TMEM65: variants seen among roughly 807,000 people sequenced by gnomAD.
The protein encoded by TMEM65 is transmembrane protein 65.
A neutral mutation model predicts 25.4 loss-of-function variants in TMEM65; 22 were observed. The observed-to-expected ratio is 0.86, with a 90% CI of 0.62 to 1.23. TMEM65 has a LOEUF of 1.23. Among genes scored for constraint, TMEM65 ranks in the 50% most tolerant of loss-of-function variants. The probability of loss-of-function intolerance (pLI) is 0.00; values close to 1 mark genes in which losing one functional copy is unlikely to be tolerated. For synonymous variants in TMEM65, 132 were observed against 126.2 expected (o/e 1.05, Z -0.31); for missense variants, 262 against 308.2 (o/e 0.85, Z 1.12).
At chr8:124,327,553 C>A in intron 2 of TMEM65, 132 bp from the exon 3 acceptor site, 1 of 569,978 alleles carries the variant, frequency 1.8e-6, no homozygotes, top group Non-Finnish European at 3.0e-6. Context: ...TTTTCCAGAG[C>A]CAATAGATGC....
Position 124,307,661 on chromosome 8 carries a change from G to T in TMEM65, c.*6299C>A, listed in dbSNP as rs1452547307. ...AATTTAAAGCAAAAGGAAGGTGAAG[G>T]ATCTAAATCTAGAGAATTTAATGCC... On this transcript the variant is annotated 3_prime_UTR_variant, in exon 7 of 7. Transcript: ENST00000297632. The T allele has an allele frequency of 6.6e-6, 1 of 152,118 alleles. No homozygotes were observed. Among genetic ancestry groups the T allele is most frequent in the South Asian group, 2.1e-4 (1 of 4,814 alleles). 9.4% of individuals were successfully genotyped at this position (152,118 alleles called of 1,614,324 possible). A position where few individuals can be genotyped will look rare whatever the true frequency, so the allele number is the denominator to read the frequency against.
chr8:124,334,503 C>T (rs1267959069), intron 1 of TMEM65, among the ~76,000 whole-genome samples: 1 of 152,040 alleles, frequency 6.6e-6, no homozygotes, highest in Non-Finnish European at 1.5e-5. Flanking sequence ...CGGTGGCTCA[C>T]ACCTGTAATC....
At chr8:124,332,320 T>C (rs570665740) in intron 1 of TMEM65, among the ~76,000 whole-genome samples, 1 of 152,300 alleles carries the variant, frequency 6.6e-6, no homozygotes, top group South Asian at 2.1e-4. Flanking sequence ...TCTGACACTG[T>C]GAGAAGTCCT....
chr8:124,359,876 T>TA, intron 1 of TMEM65, among the ~76,000 whole-genome samples: 2 of 152,314 alleles, frequency 1.3e-5, no homozygotes, highest in Middle Eastern at 3.4e-3. Context: ...CTATCCTAGA[T>TA]AAAGTGTTTA....
intron 1 of TMEM65, among the ~76,000 whole-genome samples, chr8:124,359,648 A>C (rs1312604229): frequency 6.6e-6 from 1 of 152,114 alleles, no homozygotes; most frequent in African/African-American, 2.4e-5. Context: ...AGGCTGAAGC[A>C]CAAGGGAGGC....
intron 4 of TMEM65, among the ~76,000 whole-genome samples, chr8:124,322,760 G>A (rs1038569734): frequency 6.6e-6 from 1 of 152,082 alleles, no homozygotes; most frequent in South Asian, 2.1e-4. Context: ...CACTTTGGGA[G>A]GCCGAGGCGG....
chr8:124,340,365 T>C (rs1016266501), intron 1 of TMEM65, among the ~76,000 whole-genome samples: 1 of 152,144 alleles, frequency 6.6e-6, no homozygotes, highest in African/African-American at 2.4e-5. Flanking sequence ...AAGAATGCTA[T>C]CTATTTGACT....
rs919160886 is a variant in TMEM65, at chr8:124,309,947, G to T, written c.*4013C>A. The T allele has an allele frequency of 1.3e-5, 2 of 152,078 alleles. No homozygotes were observed. Among genetic ancestry groups the T allele is most frequent in the Non-Finnish European group, 2.9e-5 (2 of 68,038 alleles). 9.4% of individuals were successfully genotyped at this position (152,078 alleles called of 1,614,324 possible). ...GCCTGTAATCCCAGCTACTCAGGAG[G>T]TCAGGAGTCTGAGGCCAGCCTGGCC... On this transcript the variant is annotated 3_prime_UTR_variant, in exon 7 of 7. Coordinates refer to ENST00000297632, the MANE Select transcript of TMEM65 (RefSeq NM_194291.3).
intron 1 of TMEM65, among the ~76,000 whole-genome samples, chr8:124,357,756 A>G (rs748125239): frequency 4.0e-5 from 6 of 151,554 alleles, no homozygotes; most frequent in Non-Finnish European, 7.4e-5. Flanking sequence ...AGAGAGGGGC[A>G]GTAAGTAGTA....
At chr8:124,366,021 G>A (rs190053090) in intron 1 of TMEM65, among the ~76,000 whole-genome samples, 23 of 152,278 alleles carry the variant, frequency 1.5e-4, no homozygotes, top group African/African-American at 5.3e-4. Context: ...AGGAGTTCCA[G>A]ACCAGCCTGG....
At chr8:124,371,340 C>G (rs553179027) in intron 1 of TMEM65, among the ~76,000 whole-genome samples, 6 of 152,186 alleles carry the variant, frequency 3.9e-5, no homozygotes, top group Non-Finnish European at 8.8e-5. Flanking sequence ...CCCTGACTTT[C>G]GAAGCTACAC....
chr8:124,321,796 C>G (rs1431904731), intron 5 of TMEM65, among the ~76,000 whole-genome samples: 1 of 152,110 alleles, frequency 6.6e-6, no homozygotes. Flanking sequence ...ATTTTGCTTA[C>G]ATTATGGTAA....
chr8:124,357,827 A>ATT (rs1814804461), intron 1 of TMEM65, among the ~76,000 whole-genome samples: 3 of 75,256 alleles, frequency 4.0e-5, no homozygotes, highest in South Asian at 5.5e-4. Context: ...TTACTTTTTT[A>ATT]TCTTTTTTTT....
At chr8:124,325,414 A>G (rs1248326658) in intron 3 of TMEM65, among the ~76,000 whole-genome samples, 1 of 151,976 alleles carries the variant, frequency 6.6e-6, no homozygotes, top group Non-Finnish European at 1.5e-5. Context: ...TCACTGGAAA[A>G]TTTTATTGTC....
intron 1 of TMEM65, among the ~76,000 whole-genome samples, chr8:124,359,741 C>CA (rs1323965215): frequency 8.3e-4 from 110 of 132,484 alleles, no homozygotes; most frequent in African/African-American, 1.6e-3. Flanking sequence ...GACTCTGTTT[C>CA]AAAAAAAAAA....
chr8:124,360,579 C>A (rs148508160), intron 1 of TMEM65, among the ~76,000 whole-genome samples: 71 of 152,266 alleles, frequency 4.7e-4, no homozygotes, highest in African/African-American at 1.6e-3. Flanking sequence ...CTTTTCCTGG[C>A]TCTCTTGCCT....
At position 124,311,312 on chromosome 8, in the gene TMEM65, T is replaced by A. The variant is rs1051395353; in HGVS notation, c.*2648A>T. The stretch of plus-strand genomic sequence containing the variant: ...CAAATCCGTATTCATTAATCCTGTT[T>A]GCTTTAGTAACAGAATATACCAAGG... On this transcript the variant is annotated 3_prime_UTR_variant, in exon 7 of 7. Transcript: ENST00000297632. 3 of 152,632 alleles carry A rather than the reference T, an allele frequency of 2.0e-5. No individual in the cohort carries two copies. The highest frequency in any genetic ancestry group is 4.4e-5 in the Non-Finnish European group (3 of 68,044). 9.5% of individuals were successfully genotyped at this position (152,632 alleles called of 1,614,324 possible).
Position 124,330,768 on chromosome 8 carries a change from G to A in TMEM65, c.329C>T (p.Thr110Ile). 1 of 1,584,930 alleles carries A rather than the reference G, an allele frequency of 6.3e-7. No individual in the cohort carries two copies. Among genetic ancestry groups the A allele is most frequent in the East Asian group, 2.4e-5 (1 of 41,984 alleles). Residue 110 changes from threonine to isoleucine, a missense_variant, in exon 2 of 7, where the codon ACC (threonine) becomes ATC (isoleucine). By Grantham distance (89) the Thr-to-Ile change is moderately conservative. Transcript: ENST00000297632. ...AQEKLEAPPPTPGQLRYVFIH... is the reference protein window; with the variant it reads ...AQEKLEAPPPIPGQLRYVFIH... ...ATTACCATATCTCAGCTGTCCTGGGGTGGGTGGTGGAGCTTCCAATTTTTC... is the reference window on the plus strand; with the variant it reads ...ATTACCATATCTCAGCTGTCCTGGGATGGGTGGTGGAGCTTCCAATTTTTC...
At chr8:124,332,298 C>T (rs1020513742) in intron 1 of TMEM65, among the ~76,000 whole-genome samples, 1 of 152,134 alleles carries the variant, frequency 6.6e-6, no homozygotes, top group South Asian at 2.1e-4. Context: ...TTAGTCTCAT[C>T]ATCACTACAG....
Sources: allele counts gnomAD v4.1 joint callset (sites outside exome capture counted in the v4.1 genomes callset), GRCh38; gene constraint gnomAD v4.1.1; transcripts MANE v1.5; gene names NCBI Gene and HGNC (gene_info 2026-07-23, HGNC 2026-07-21).